FTO: variants seen among roughly 807,000 people sequenced by gnomAD.
FTO encodes the protein FTO alpha-ketoglutarate dependent dioxygenase, also known as alpha-ketoglutarate-dependent dioxygenase FTO.
FTO carries 47 observed loss-of-function variants against 63.9 expected under a neutral mutation model. That is an observed-to-expected ratio of 0.74 (90% confidence interval 0.58 to 0.94). The LOEUF (loss-of-function observed/expected upper bound fraction) is 0.94, where lower values mean the gene tolerates loss of function less well. Ranked by LOEUF, FTO falls within the 40% of genes least tolerant of loss-of-function variation. The pLI is 0.00. For synonymous variants in FTO, 207 were observed against 224.4 expected (o/e 0.92, Z 0.69); for missense variants, 562 against 618.1 (o/e 0.91, Z 0.96).
rs1213105814 is a variant in FTO, at chr16:53,923,693, C to A, written c.1240-10292C>A. ...TTTCTTTCTTTCTATTTTTTTTTTT[C>A]TTTCCTTGACAAGTACATGGGGCTG... On this transcript the variant is annotated intron_variant, in intron 7 of 8. Coordinates refer to ENST00000471389, the MANE Select transcript of FTO (RefSeq NM_001080432.3). Among the ~76,000 whole-genome samples, 4 of 141,904 alleles carry A rather than the reference C, an allele frequency of 2.8e-5. No individual in the cohort carries two copies. The East Asian group carries it at 8.5e-4, about 30-fold the overall frequency. 93.1% of individuals were successfully genotyped at this position (141,904 alleles called of 152,430 possible). A position where few individuals can be genotyped will look rare whatever the true frequency, so the allele number is the denominator to read the frequency against.
intron 8 of FTO, among the ~76,000 whole-genome samples, chr16:54,069,087 T>C (rs183053689): frequency 2.6e-5 from 4 of 152,360 alleles, no homozygotes; most frequent in African/African-American, 9.6e-5. Flanking sequence ...AACTGATCGC[T>C]CCAGTTTTAT....
chr16:54,111,882 A>G lies in FTO; in HGVS notation c.1485A>G (p.Glu495=), dbSNP rs767891166. Residue 495 remains glutamate, a synonymous_variant, in exon 9 of 9, where the codon GAA becomes GAG. Transcript: ENST00000471389. ...LPFDLTDIVS[E]LRGQLLEAKP Reference sequence around the variant, plus strand: ...TTGACCTCACAGACATCGTTTCAGAACTCAGAGGTCAGCTTCTGGAAGCAA... The same window carrying G: ...TTGACCTCACAGACATCGTTTCAGAGCTCAGAGGTCAGCTTCTGGAAGCAA... 2.2e-5 allele frequency: 36 copies of G among 1,613,994 alleles called. No homozygotes were observed. The highest frequency in any genetic ancestry group is 3.0e-5 in the Non-Finnish European group (35 of 1,180,022).
chr16:53,991,580 A>G, intron 8 of FTO: 1 of 152,206 alleles, frequency 6.6e-6, no homozygotes, highest in East Asian at 1.9e-4. Context: ...TTACCTAGAA[A>G]GGAGCCTGGG....
At chr16:53,848,091 TTTTA>T (rs1343222047) in intron 4 of FTO, among the ~76,000 whole-genome samples, 8 of 152,212 alleles carry the variant, frequency 5.3e-5, no homozygotes, top group African/African-American at 1.7e-4. Flanking sequence ...ATTATTTTTA[TTTTA>T]TTTGATTTCT....
intron 8 of FTO, among the ~76,000 whole-genome samples, chr16:53,971,967 C>A (rs2083331743): frequency 6.6e-6 from 1 of 152,082 alleles, no homozygotes; most frequent in African/African-American, 2.4e-5. Context: ...TCATTGCCTC[C>A]CCCCTTCCCT....
At chr16:54,069,495 G>A (rs897754075) in intron 8 of FTO, among the ~76,000 whole-genome samples, 1 of 152,098 alleles carries the variant, frequency 6.6e-6, no homozygotes, top group Middle Eastern at 3.2e-3. Flanking sequence ...TACGTTCCAT[G>A]GGGAAAAACA....
At chr16:53,948,306 A>G (rs143730120) in intron 8 of FTO, among the ~76,000 whole-genome samples, 445 of 152,320 alleles carry the variant, frequency 2.9e-3, no homozygotes, top group African/African-American at 0.01. Flanking sequence ...TGATGGGGGC[A>G]TGAGAGTTGG....
At position 53,880,265 on chromosome 16, in the gene FTO, G is replaced by A. The variant is rs143328006; in HGVS notation, c.1119+278G>A. ...GCCCGCCTCAGCCTCCTGAAGTGCT[G>A]GGATTACAGTCATGAGCCACTGTGC... On this transcript the variant is annotated intron_variant, in intron 6 of 8. Transcript: ENST00000471389. Among the ~76,000 whole-genome samples the A allele has an allele frequency of 7.0e-3, 1,066 of 152,280 alleles. 14 individuals are homozygous for A. The highest frequency in any genetic ancestry group is 0.025 in the African/African-American group (1,023 of 41,550).
chr16:53,744,829 C>CT (rs1432875587), intron 1 of FTO, among the ~76,000 whole-genome samples: 32 of 68,868 alleles, frequency 4.6e-4, no homozygotes, highest in African/African-American at 2.8e-3. Context: ...TTTTCTTCCC[C>CT]CCCCCCATAT....
At chr16:53,709,951 A>T (rs529993106) in intron 1 of FTO, among the ~76,000 whole-genome samples, 2 of 152,286 alleles carry the variant, frequency 1.3e-5, no homozygotes, top group South Asian at 4.1e-4. Context: ...CTATTATTTC[A>T]TCCAAAGTCC....
chr16:54,061,581 G>C (rs189311481), intron 8 of FTO: 11 of 150,742 alleles, frequency 7.3e-5, no homozygotes, highest in Admixed American at 5.2e-4. Context: ...GGAGTTTGAG[G>C]CACGCCTGAA....
At chr16:53,930,686 A>G (rs1567447973) in intron 7 of FTO, among the ~76,000 whole-genome samples, 1 of 152,230 alleles carries the variant, frequency 6.6e-6, no homozygotes, top group Non-Finnish European at 1.5e-5. Context: ...ACTGTATTAC[A>G]TAGTTCATAT....
Position 53,932,154 on chromosome 16 carries a change from C to G in FTO, c.1240-1831C>G, listed in dbSNP as rs376924407. ...GAATTACCTAGAGAAGCTGAACATT[C>G]CTCCTTGTGCTGGAGGGCTGAAAAT... is the stretch of plus-strand genomic sequence containing the variant. On this transcript the variant is annotated intron_variant, in intron 7 of 8. Coordinates refer to ENST00000471389, the MANE Select transcript of FTO (RefSeq NM_001080432.3). Among the ~76,000 whole-genome samples the G allele has an allele frequency of 7.2e-5, 11 of 152,264 alleles. No homozygotes were observed. In the East Asian group the frequency reaches 1.9e-3, roughly 27 times the overall value.
chr16:53,986,694 G>T (rs2083676282), intron 8 of FTO, among the ~76,000 whole-genome samples: 1 of 152,204 alleles, frequency 6.6e-6, no homozygotes, highest in African/African-American at 2.4e-5. Flanking sequence ...CTCTAGTAGA[G>T]TGTGTCTAAT....
intron 1 of FTO, among the ~76,000 whole-genome samples, chr16:53,763,904 AT>A (rs2077129769): frequency 6.6e-6 from 1 of 152,154 alleles, no homozygotes; most frequent in Non-Finnish European, 1.5e-5. Flanking sequence ...TATGTTTATT[AT>A]TTTTGTTACC....
chr16:53,924,687 A>T (rs1010142301), intron 7 of FTO, among the ~76,000 whole-genome samples: 1 of 152,210 alleles, frequency 6.6e-6, no homozygotes, highest in African/African-American at 2.4e-5. Flanking sequence ...ACTTGGTGTT[A>T]TCTCTTAGCC....
chr16:53,898,364 C>T (rs2081322744), intron 7 of FTO, among the ~76,000 whole-genome samples: 3 of 152,304 alleles, frequency 2.0e-5, no homozygotes, highest in East Asian at 1.9e-4. Context: ...GATCTCTGCT[C>T]ATGTCACTTT....
intron 1 of FTO, among the ~76,000 whole-genome samples, chr16:53,758,810 G>A (rs1271268750): frequency 2.0e-5 from 3 of 151,984 alleles, no homozygotes; most frequent in African/African-American, 2.4e-5. Flanking sequence ...GAAAATACAC[G>A]AAACAGGAAC....
chr16:53,865,505 T>G lies in FTO; in HGVS notation c.896-8281T>G, dbSNP rs2080284277. On this transcript the variant is annotated intron_variant, in intron 4 of 8. Coordinates refer to ENST00000471389, the MANE Select transcript of FTO (RefSeq NM_001080432.3). ...ATTATTTTGCAATGTCCTAAGGTTTTGTGACTTATTCACCTTCAGTCAGTT... is the reference window on the plus strand; with the variant it reads ...ATTATTTTGCAATGTCCTAAGGTTTGGTGACTTATTCACCTTCAGTCAGTT... Among the ~76,000 whole-genome samples the G allele has an allele frequency of 4.6e-5, 7 of 152,238 alleles. No homozygotes were observed. The South Asian group carries it at 1.2e-3, about 27-fold the overall frequency.
Sources: gnomAD v4.1 joint callset for allele counts (sites outside exome capture counted in the v4.1 genomes callset) on GRCh38, gnomAD v4.1.1 for gene constraint, MANE v1.5 for transcripts, NCBI Gene and HGNC (gene_info 2026-07-23, HGNC 2026-07-21) for gene names.